Variants in STK36 observed in about 807,000 individuals in gnomAD.
STK36 encodes serine/threonine kinase 36, also known as serine/threonine-protein kinase 36.
In STK36, 116 loss-of-function variants were observed where a neutral mutation model predicts 142.2. That is an observed-to-expected ratio of 0.82 (90% CI 0.70 to 0.95). The LOEUF (loss-of-function observed/expected upper bound fraction) is 0.95. STK36 is among the 40% of genes least tolerant of loss of function. STK36 has a pLI of 0.00. For synonymous variants in STK36, 619 were observed against 641.7 expected (o/e 0.96, Z 0.53); for missense variants, 1,422 against 1,617.2 (o/e 0.88, Z 2.07).
chr2:218,690,621 T>G (rs1940964324), intron 14 of STK36, 66 bp downstream of exon 14: 1 of 1,269,164 alleles, frequency 7.9e-7, no homozygotes, highest in Non-Finnish European at 1.2e-6. Flanking sequence ...CCATCCCCTT[T>G]CTTATGACTA....
intron 12 of STK36, among the ~76,000 whole-genome samples, chr2:218,689,519 A>G (rs1054912181): frequency 1.3e-5 from 2 of 152,214 alleles, no homozygotes; most frequent in African/African-American, 4.8e-5. Context: ...TAAATGCCTA[A>G]TAGGGCCTAG....
At chr2:218,695,182 A>G (rs758525535) in intron 21 of STK36, among the ~76,000 whole-genome samples, 2 of 150,740 alleles carry the variant, frequency 1.3e-5, no homozygotes, top group Non-Finnish European at 2.9e-5. Context: ...TTCATTTTGT[A>G]AAAAGAAGGA....
intron 11 of STK36, among the ~76,000 whole-genome samples, chr2:218,688,158 C>A (rs1304483333): frequency 6.6e-6 from 1 of 152,152 alleles, no homozygotes; most frequent in Non-Finnish European, 1.5e-5. Context: ...GAAACTCTGT[C>A]TCGAAAAATA....
intron 16 of STK36, 82 bp downstream of exon 16, chr2:218,692,792 A>C: frequency 6.7e-7 from 1 of 1,500,528 alleles, no homozygotes; most frequent in Non-Finnish European, 8.9e-7. Flanking sequence ...AGAAAGGCAG[A>C]AAAACAAGCT....
Position 218,699,047 on chromosome 2 carries a change from T to C in STK36, c.3503T>C (p.Val1168Ala), listed in dbSNP as rs753702216. 6.2e-7 allele frequency: 1 copy of C among 1,614,144 alleles called. No homozygotes were observed. The highest frequency in any genetic ancestry group is 8.5e-7 in the Non-Finnish European group (1 of 1,180,030). Residue 1168 changes from valine (V) to alanine (A), a missense_variant, in exon 26 of 27, where the codon GTG becomes GCG. By Grantham distance (64) the Val-to-Ala change is moderately conservative (BLOSUM62 0). Coordinates refer to ENST00000295709, the MANE Select transcript of STK36 (RefSeq NM_015690.5). ...GGGCTTGGAGACAAGGATCCTGTTG[T>C]GCGGTGCAGTGCCAGCTTTGCTGTG... ...LLGLGDKDPV[V>A]RCSASFAVGN... is the part of the protein sequence containing the mutation.
Position 218,702,128 on chromosome 2 carries a change from C to T in STK36, c.*119C>T. On this transcript the variant is annotated 3_prime_UTR_variant, in exon 27 of 27. Coordinates refer to ENST00000295709, the MANE Select transcript of STK36 (RefSeq NM_015690.5). Reference sequence around the variant, plus strand: ...CTAGAAAAGAGATAAGCTGCCAACTCAACTGAGAACAAGAAACTAGAAGAG... The same window carrying T: ...CTAGAAAAGAGATAAGCTGCCAACTTAACTGAGAACAAGAAACTAGAAGAG... The T allele has an allele frequency of 4.1e-6, 5 of 1,230,426 alleles. No individual in the cohort carries two copies. The highest frequency in any genetic ancestry group is 5.5e-6 in the Non-Finnish European group (5 of 901,542). The allele number at this position is 1,230,426 out of a possible 1,614,324, so 76.2% of individuals were successfully genotyped here. A position where few individuals can be genotyped will look rare whatever the true frequency, so the allele number is the denominator to read the frequency against.
rs764199153 is a variant in STK36 at position 218,697,063 on chromosome 2, G to C, written c.2611G>C (p.Asp871His). ...GCAGGGGAAGGCTAGCCTAATCAGG[G>C]ATATGTCCAGTTCAGAAATGTGGAC... ...TEQGKASLIR[D>H]MSSSEMWTVL... Residue 871 changes from aspartate to histidine, a missense_variant, in exon 23 of 27, where the codon GAT becomes CAT. Coordinates refer to ENST00000295709, the MANE Select transcript of STK36 (RefSeq NM_015690.5). The C allele has an allele frequency of 4.3e-6, 7 of 1,614,110 alleles. No homozygotes were observed. The highest frequency in any genetic ancestry group is 1.3e-5 in the African/African-American group (1 of 75,036).
chr2:218,686,767 C>T (rs999888498), intron 11 of STK36, among the ~76,000 whole-genome samples: 1 of 152,044 alleles, frequency 6.6e-6, no homozygotes, highest in Non-Finnish European at 1.5e-5. Flanking sequence ...TTTTTATTTC[C>T]CTTGGGTAAC....
At position 218,698,829 on chromosome 2, in the gene STK36, C is replaced by A; in HGVS notation, c.3285C>A (p.Ser1095Arg). Residue 1095 changes from serine (S) to arginine (R), a missense_variant, in exon 26 of 27, where the codon AGC becomes AGA. By Grantham distance (110) the Ser-to-Arg change is moderately radical (BLOSUM62 -1). Around this residue, in one of 2 missense-constraint regions of STK36, gnomAD observed 962 missense variants for 1,167.5 expected, o/e 0.82. Coordinates refer to ENST00000295709, the MANE Select transcript of STK36 (RefSeq NM_015690.5). ...LAHTARVLSP[S>R]HLSFIQELLA... ...ATACTGCCAGGGTCCTGTCTCCCAG[C>A]CACTTGTCCTTTATCCAAGAGCTTC... 6.2e-7 allele frequency: 1 copy of A among 1,614,244 alleles called. No individual in the cohort carries two copies. The highest frequency in any genetic ancestry group is 8.5e-7 in the Non-Finnish European group (1 of 1,180,052).
At chr2:218,687,113 G>A (rs1039374912) in intron 11 of STK36, among the ~76,000 whole-genome samples, 9 of 152,148 alleles carry the variant, frequency 5.9e-5, no homozygotes, top group Non-Finnish European at 8.8e-5. Context: ...GGTTGTTTGC[G>A]TTATTGAGTT....
rs757218910 is a variant in STK36 at position 218,696,598 on chromosome 2, T to C, written c.2583T>C (p.Thr861=). The change falls in exon 22 of 27, where the codon ACT becomes ACC. Residue 861 remains threonine, a synonymous_variant. Coordinates refer to ENST00000295709, the MANE Select transcript of STK36 (RefSeq NM_015690.5). ...TTATCCTTCTGTTGCAGCTCCTCAC[T>C]GAGGTACAGATGGATCTTGGGATGG... The part of the protein sequence containing the change: ...GLLILLLQLL[T]EQGKASLIRD... 6 of 1,614,012 alleles carry C rather than the reference T, an allele frequency of 3.7e-6. No individual in the cohort carries two copies. Among genetic ancestry groups the C allele is most frequent in the Non-Finnish European group, 5.1e-6 (6 of 1,179,878 alleles).
Position 218,702,344 on chromosome 2 carries a change from C to A in STK36, c.*335C>A, listed in dbSNP as rs1350362075. The A allele has an allele frequency of 1.6e-4, 32 of 196,164 alleles. No homozygotes were observed. The highest frequency in any genetic ancestry group is 3.1e-5 in the Non-Finnish European group (3 of 96,946). The allele number at this position is 196,164 out of a possible 1,614,324, so 12.2% of individuals were successfully genotyped here. A position where few individuals can be genotyped will look rare whatever the true frequency, so the allele number is the denominator to read the frequency against. On this transcript the variant is annotated 3_prime_UTR_variant, in exon 27 of 27. Transcript: ENST00000295709. ...AAAACCTCAACCTGAAAGATCTCTT[C>A]CTTTCTGGAGCTCCTTTAATCTTCC... is the stretch of plus-strand genomic sequence containing the variant.
At chr2:218,683,519 C>T (rs1250493637) in intron 10 of STK36, among the ~76,000 whole-genome samples, 4 of 152,066 alleles carry the variant, frequency 2.6e-5, no homozygotes, top group African/African-American at 4.8e-5. Context: ...GTGATCTGCC[C>T]GCCTCGGCCT....
At chr2:218,689,654 A>T (rs1940915752) in intron 12 of STK36, among the ~76,000 whole-genome samples, 1 of 152,254 alleles carries the variant, frequency 6.6e-6, no homozygotes, top group Non-Finnish European at 1.5e-5. Flanking sequence ...TTCAGGCCAA[A>T]CAAGACACAT....
chr2:218,673,199 G>A, intron 2 of STK36: 2 of 405,486 alleles, frequency 4.9e-6, no homozygotes, highest in South Asian at 3.6e-5. Flanking sequence ...TGGAGTTTGA[G>A]GATTAAATAT....
intron 26 of STK36, among the ~76,000 whole-genome samples, chr2:218,699,775 G>A (rs1941376843): frequency 6.6e-6 from 1 of 152,168 alleles, no homozygotes; most frequent in African/African-American, 2.4e-5. Flanking sequence ...TAATTTTGCA[G>A]ATGAGGAAAC....
At chr2:218,680,207 C>CT in intron 9 of STK36, 127 bp downstream of exon 9, 1 of 872,602 alleles carries the variant, frequency 1.1e-6, no homozygotes, top group Non-Finnish European at 1.7e-6. Flanking sequence ...CCTCGAGAGT[C>CT]TGAGTCCTGG....
chr2:218,700,521 C>T (rs1416727806), intron 26 of STK36, among the ~76,000 whole-genome samples: 2 of 151,950 alleles, frequency 1.3e-5, no homozygotes, highest in African/African-American at 4.8e-5. Flanking sequence ...CCTGTCTCAG[C>T]CTCCCAAGTA....
In STK36 at chr2:218,694,208, C is replaced by T. The variant is rs992400657; in HGVS notation, c.2337-56C>T. 24 of 1,479,424 alleles carry T rather than the reference C, an allele frequency of 1.6e-5. No individual in the cohort carries two copies. Among genetic ancestry groups the T allele is most frequent in the African/African-American group, 6.9e-5 (5 of 72,108 alleles). The allele number at this position is 1,479,424 out of a possible 1,614,324, so 91.6% of individuals were successfully genotyped here. ...ACACCATGCAAGGGAGAGGGGAGGC[C>T]GCTTACCAACCTCCTTTAATACTGC... On this transcript the variant is annotated intron_variant, in intron 19 of 26. Transcript: ENST00000295709. The surrounding 1 kb of genome is among the most constrained non-coding windows in gnomAD (Gnocchi z 4.4).
Sources: gnomAD v4.1 joint callset for allele counts (sites outside exome capture counted in the v4.1 genomes callset) on GRCh38, gnomAD v4.1.1 for gene constraint, gnomAD v4.1.1 regional missense constraint, Gnocchi (gnomAD v3.1) non-coding constraint, MANE v1.5 for transcripts, NCBI Gene and HGNC (gene_info 2026-07-23, HGNC 2026-07-21) for gene names.